Variants in CHAF1A observed in about 807,000 individuals in gnomAD.
The protein encoded by CHAF1A is CAF-1 subunit A.
In CHAF1A, 5 loss-of-function variants were observed where a neutral mutation model predicts 93.2. The observed-to-expected ratio is 0.05, with a 90% confidence interval of 0.03 to 0.11. The LOEUF (loss-of-function observed/expected upper bound fraction) is 0.11. CHAF1A is among the 10% of genes least tolerant of loss of function. CHAF1A has a pLI of 1.00. For synonymous variants in CHAF1A, 504 were observed against 510.3 expected, an observed-to-expected ratio of 0.99 and a Z score of 0.17; for missense variants, 1,102 against 1,259.9, an observed-to-expected ratio of 0.87 and a Z score of 1.90.
intron 6 of CHAF1A, 82 bp downstream of exon 6, chr19:4,423,477 C>T (rs528785440): frequency 6.2e-7 from 1 of 1,606,398 alleles, no homozygotes. Flanking sequence ...CCACAGCCGT[C>T]ACCTAATATT....
downstream of CHAF1A, chr19:4,445,825 C>T (rs1974498834): frequency 9.6e-7 from 1 of 1,044,132 alleles, no homozygotes; most frequent in Non-Finnish European, 1.3e-6. Context: ...CTAGCTAACG[C>T]ACGTCACCGC....
intron 2 of CHAF1A, among the ~76,000 whole-genome samples, chr19:4,408,080 C>T (rs1465674143): frequency 6.6e-6 from 1 of 151,638 alleles, no homozygotes; most frequent in Non-Finnish European, 1.5e-5. Flanking sequence ...CACCACAGCT[C>T]ACTGCAGCCT....
At chr19:4,448,572 A>G, downstream of CHAF1A, 6 of 658,824 alleles carry the variant, frequency 9.1e-6, no homozygotes, top group South Asian at 9.2e-5. Context: ...GAGACCCTCC[A>G]AGACCGCAGC....
intron 3 of CHAF1A, among the ~76,000 whole-genome samples, chr19:4,411,644 C>CTTCTTTTTTTTTTTTTTTTT (rs1973802048): frequency 2.1e-5 from 1 of 48,204 alleles, no homozygotes; most frequent in Non-Finnish European, 4.1e-5. Context: ...TGGTGCAAAT[C>CTTCTTTTTTTTTTTTTTTTT]TTTTTTTTTT....
chr19:4,441,330 T>G (rs1298551569), intron 13 of CHAF1A, among the ~76,000 whole-genome samples: 1 of 151,104 alleles, frequency 6.6e-6, no homozygotes, highest in Non-Finnish European at 1.5e-5. Flanking sequence ...TTTATATATA[T>G]TAAATAAAAA....
At chr19:4,421,767 T>C (rs1416058732) in intron 4 of CHAF1A, among the ~76,000 whole-genome samples, 2 of 152,140 alleles carry the variant, frequency 1.3e-5, no homozygotes, top group Non-Finnish European at 2.9e-5. Flanking sequence ...CAGAGTAGAC[T>C]TTGTCTCAAG....
intron 3 of CHAF1A, among the ~76,000 whole-genome samples, chr19:4,414,782 G>C (rs1346634955): frequency 1.3e-5 from 2 of 152,154 alleles, no homozygotes; most frequent in African/African-American, 4.8e-5. Context: ...GCCTTGGGCT[G>C]TTAAGGAGAA....
At chr19:4,423,042 A>G (rs1056417031) in intron 5 of CHAF1A, among the ~76,000 whole-genome samples, 2 of 152,146 alleles carry the variant, frequency 1.3e-5, no homozygotes, top group Admixed American at 6.5e-5. Flanking sequence ...CCATCCTTCC[A>G]GTTCCCAACC....
chr19:4,411,272 C>T (rs1180161237), intron 3 of CHAF1A, among the ~76,000 whole-genome samples: 3 of 152,152 alleles, frequency 2.0e-5, no homozygotes, highest in African/African-American at 7.2e-5. Flanking sequence ...CTCTGTCACC[C>T]AGGCTGGAGT....
At chr19:4,448,634 A>G (rs1974591847), downstream of CHAF1A, 6 of 580,692 alleles carry the variant, frequency 1.0e-5, no homozygotes, top group Non-Finnish European at 9.2e-6. Context: ...AGCAGAACTC[A>G]AGTCTCCCCT....
At chr19:4,445,192 G>A, downstream of CHAF1A, 1 of 369,748 alleles carries the variant, frequency 2.7e-6, no homozygotes, top group Non-Finnish European at 5.1e-6. Flanking sequence ...CTCCTGCCCA[G>A]GGAGATGCCA....
At chr19:4,403,061 CAGG>C (rs1428453584) in intron 1 of CHAF1A, among the ~76,000 whole-genome samples, 16 of 152,328 alleles carry the variant, frequency 1.1e-4, no homozygotes, top group African/African-American at 3.6e-4. Context: ...TTCGTCCCTC[CAGG>C]ACTCTCTGGG....
At chr19:4,431,679 C>T (rs1157838655) in intron 11 of CHAF1A, among the ~76,000 whole-genome samples, 5 of 152,072 alleles carry the variant, frequency 3.3e-5, no homozygotes, top group African/African-American at 2.4e-5. Context: ...CACACATTCA[C>T]CAGAAAATTC....
At chr19:4,432,483 G>A (rs1008593870) in intron 12 of CHAF1A, among the ~76,000 whole-genome samples, 4 of 152,042 alleles carry the variant, frequency 2.6e-5, no homozygotes, top group South Asian at 2.1e-4. Flanking sequence ...GGGAGGGGCC[G>A]GGCACAGTGC....
Position 4,402,679 on chromosome 19 carries a change from G to GGCGCC in CHAF1A, c.-83_-82insCGCCG. 1 of 735,828 alleles carries GGCGCC rather than the reference G, an allele frequency of 1.4e-6. No homozygotes were observed. Among genetic ancestry groups the GGCGCC allele is most frequent in the Non-Finnish European group, 1.8e-6 (1 of 552,418 alleles). The allele number at this position is 735,828 out of a possible 1,614,324, so 45.6% of individuals were successfully genotyped here. A position where few individuals can be genotyped will look rare whatever the true frequency, so the allele number is the denominator to read the frequency against. Reference sequence around the variant, plus strand: ...GCGGCCGCGGCGGCAGCAGCGGCGCGGGCGGGAGGGCGAAGAGCAGCGGCC... The same window carrying GGCGCC: ...GCGGCCGCGGCGGCAGCAGCGGCGCGGCGCCGGCGGGAGGGCGAAGAGCAGCGGCC... On this transcript the variant is annotated 5_prime_UTR_variant, in exon 1 of 15. Transcript: ENST00000301280.
chr19:4,411,644 C>CTTTTTTTTTTGTTTTTTTTTTT (rs1973802442), intron 3 of CHAF1A, among the ~76,000 whole-genome samples: 1 of 48,204 alleles, frequency 2.1e-5, no homozygotes. Flanking sequence ...TGGTGCAAAT[C>CTTTTTTTTTTGTTTTTTTTTTT]TTTTTTTTTT....
downstream of CHAF1A, among the ~76,000 whole-genome samples, chr19:4,443,833 C>T (rs146977042): frequency 1.6e-4 from 24 of 152,304 alleles, no homozygotes; most frequent in East Asian, 4.4e-3. Flanking sequence ...GGAGGACAGG[C>T]GACAGCCGCT....
At position 4,425,051 on chromosome 19, in the gene CHAF1A, A is replaced by T. The variant is rs554653602; in HGVS notation, c.1377+1177A>T. Among the ~76,000 whole-genome samples the T allele has an allele frequency of 4.6e-4, 70 of 152,154 alleles. No individual in the cohort carries two copies. The South Asian group carries it at 0.014, about 31-fold the overall frequency. On this transcript the variant is annotated intron_variant, in intron 7 of 14. Transcript: ENST00000301280. ...CGGCCTCTCAAAGCACTTGGATTAC[A>T]GGTGTGAGTCCCTGCACCTGGCCTG...
chr19:4,423,780 C>T lies in CHAF1A; in HGVS notation c.1309-26C>T, dbSNP rs368194213. The T allele has an allele frequency of 5.6e-6, 9 of 1,609,758 alleles. No homozygotes were observed. The African/African-American group carries it at 1.2e-4, about 22-fold the overall frequency. ...TACTGTTCCTCTTCCTCTCCTCTTT[C>T]TCATCACCATCTCTTAACATCACAG... is the stretch of plus-strand genomic sequence containing the variant. On this transcript the variant is annotated intron_variant, in intron 6 of 14. Coordinates refer to ENST00000301280, the MANE Select transcript of CHAF1A (RefSeq NM_005483.3).
Sources: gnomAD v4.1 joint callset for allele counts (sites outside exome capture counted in the v4.1 genomes callset) on GRCh38, gnomAD v4.1.1 for gene constraint, MANE v1.5 for transcripts, NCBI Gene and HGNC (gene_info 2026-07-23, HGNC 2026-07-21) for gene names.